The following HEMK2 variants were observed in gnomAD, a reference collection of about 807,000 sequenced individuals.
HEMK2 encodes methyltransferase HEMK2.
At chr21:28,816,449 C>G in the HEMK2 span, among the ~76,000 whole-genome samples, 101 of 152,208 alleles carry the variant, frequency 6.6e-4, 1 homozygote, top group Admixed American at 6.3e-3. Context: ...GTTGGAAGAT[C>G]ATTTGAAGCC....
the HEMK2 span, among the ~76,000 whole-genome samples, chr21:28,657,984 T>C: frequency 1.3e-5 from 2 of 152,088 alleles, no homozygotes; most frequent in African/African-American, 4.8e-5. Flanking sequence ...AATGGGGACA[T>C]GGACTTCTTG....
the HEMK2 span, among the ~76,000 whole-genome samples, chr21:28,744,489 T>TAG: frequency 1.3e-5 from 2 of 152,286 alleles, no homozygotes; most frequent in East Asian, 3.9e-4. Flanking sequence ...TAGTTTTTCA[T>TAG]TCTCTGACTA....
the HEMK2 span, among the ~76,000 whole-genome samples, chr21:28,699,823 T>G: frequency 6.6e-6 from 1 of 152,256 alleles, no homozygotes; most frequent in Non-Finnish European, 1.5e-5. Flanking sequence ...GGTTTCGTCA[T>G]GCCCCATGAA....
At chr21:28,847,339 A>T in the HEMK2 span, among the ~76,000 whole-genome samples, 1 of 152,160 alleles carries the variant, frequency 6.6e-6, no homozygotes, top group Non-Finnish European at 1.5e-5. Flanking sequence ...ATGGCATGTC[A>T]TCGTGATTTT....
At chr21:28,665,559 T>C in the HEMK2 span, among the ~76,000 whole-genome samples, 2 of 151,718 alleles carry the variant, frequency 1.3e-5, no homozygotes, top group Non-Finnish European at 2.9e-5. Context: ...GTAACTAACA[T>C]GGCAATCATT....
chr21:28,799,710 G>A, the HEMK2 span, among the ~76,000 whole-genome samples: 1 of 152,130 alleles, frequency 6.6e-6, no homozygotes, highest in South Asian at 2.1e-4. Flanking sequence ...CTGAAGGTTT[G>A]GAAAGCCCTA....
At chr21:28,772,392 C>T in the HEMK2 span, among the ~76,000 whole-genome samples, 1 of 152,118 alleles carries the variant, frequency 6.6e-6, no homozygotes, top group Admixed American at 6.5e-5. Flanking sequence ...TAAAGTATTG[C>T]CTGGCTGGTC....
the HEMK2 span, among the ~76,000 whole-genome samples, chr21:28,730,418 A>ATTTAT: frequency 0.1 from 14,611 of 142,238 alleles, 965 homozygotes; most frequent in East Asian, 0.3. Flanking sequence ...ACACACACAC[A>ATTTAT]TTTCTCACAA....
chr21:28,591,825 G>A, the HEMK2 span, among the ~76,000 whole-genome samples: 21 of 152,168 alleles, frequency 1.4e-4, no homozygotes, highest in Admixed American at 1.2e-3. Context: ...TCCTGAGTTC[G>A]TTTTCTAAGG....
the HEMK2 span, among the ~76,000 whole-genome samples, chr21:28,736,587 C>T: frequency 6.6e-6 from 1 of 152,090 alleles, no homozygotes. Context: ...TGAAACCCCA[C>T]CTGTTGGTCT....
chr21:28,695,772 C>T, the HEMK2 span, among the ~76,000 whole-genome samples: 1 of 104,334 alleles, frequency 9.6e-6, no homozygotes, highest in African/African-American at 6.2e-5. Context: ...TCCCAATGGT[C>T]CCCCAAAGTA....
At chr21:28,815,726 G>C in the HEMK2 span, among the ~76,000 whole-genome samples, 1 of 152,134 alleles carries the variant, frequency 6.6e-6, no homozygotes, top group Non-Finnish European at 1.5e-5. Flanking sequence ...AAATATTTGA[G>C]TAAAAGCAAC....
chr21:28,781,270 A>G, the HEMK2 span, among the ~76,000 whole-genome samples: 1 of 152,222 alleles, frequency 6.6e-6, no homozygotes, highest in Non-Finnish European at 1.5e-5. Flanking sequence ...GAAAATTAGA[A>G]GATAGCTTTG....
chr21:28,675,771 T>C, the HEMK2 span, among the ~76,000 whole-genome samples: 6 of 152,296 alleles, frequency 3.9e-5, no homozygotes, highest in South Asian at 1.0e-3. Context: ...TCCTGCAATA[T>C]TGGAGTGTGT....
At chr21:28,885,105 G>A in the HEMK2 span, 1 of 1,398,092 alleles carries the variant, frequency 7.2e-7, no homozygotes. Flanking sequence ...AGTGGACCCC[G>A]CCTGCTCCGG....
At chr21:28,782,681 T>C in the HEMK2 span, among the ~76,000 whole-genome samples, 11 of 152,348 alleles carry the variant, frequency 7.2e-5, no homozygotes, top group South Asian at 2.3e-3. Context: ...TAAGTGGTCA[T>C]GGGGATAAAC....
At chr21:28,597,922 G>C in the HEMK2 span, among the ~76,000 whole-genome samples, 1 of 152,138 alleles carries the variant, frequency 6.6e-6, no homozygotes, top group East Asian at 1.9e-4. Context: ...GAAGAAACTT[G>C]AACAGAAATC....
the HEMK2 span, among the ~76,000 whole-genome samples, chr21:28,632,548 G>A: frequency 3.9e-5 from 6 of 152,076 alleles, no homozygotes; most frequent in Admixed American, 2.6e-4. Context: ...ACCATTCTTC[G>A]GTTTAGTAGA....
the HEMK2 span, among the ~76,000 whole-genome samples, chr21:28,864,820 CAGATAGATAGAT>C: frequency 5.0e-4 from 59 of 119,100 alleles, 1 homozygote; most frequent in African/African-American, 1.7e-3. Flanking sequence ...GACAGACAGA[CAGATAGATAGAT>C]AGATAGATAG....
Sources: allele counts gnomAD v4.1 joint callset (sites outside exome capture counted in the v4.1 genomes callset), GRCh38; gene constraint gnomAD v4.1.1; transcripts MANE v1.5; gene names NCBI Gene and HGNC (gene_info 2026-07-23, HGNC 2026-07-21).